ZFPM1: variants seen among roughly 807,000 people sequenced by gnomAD.
ZFPM1 encodes the protein zinc finger protein ZFPM1.
Under a neutral mutation model 46.3 loss-of-function variants are expected in ZFPM1, and 28 were observed. The ratio of observed to expected loss-of-function variants is 0.60; its 90% CI spans 0.45 to 0.83. The LOEUF is 0.83. ZFPM1 is among the 40% of genes least tolerant of loss of function. The pLI is 0.00. For missense variants in ZFPM1, 1,878 were observed against 1,432.4 expected (o/e 1.31, Z -5.02); for synonymous variants, 957 against 675.9 (o/e 1.42, Z -6.45).
At chr16:88,530,279 G>C (rs1021008589) in intron 6 of ZFPM1, among the ~76,000 whole-genome samples, 3 of 152,162 alleles carry the variant, frequency 2.0e-5, no homozygotes, top group Non-Finnish European at 4.4e-5. Flanking sequence ...AGCCTGCGGA[G>C]ACCACCTCCC....
chr16:88,510,942 T>C (rs990712903), intron 3 of ZFPM1, among the ~76,000 whole-genome samples: 1 of 152,120 alleles, frequency 6.6e-6, no homozygotes, highest in African/African-American at 2.4e-5. Flanking sequence ...AGGTACTCAG[T>C]TGGGTCCGTG....
chr16:88,527,357 C>T (rs1359670841), intron 5 of ZFPM1, among the ~76,000 whole-genome samples: 2 of 152,198 alleles, frequency 1.3e-5, no homozygotes, highest in African/African-American at 2.4e-5. Context: ...TCCAGGAAGT[C>T]GAGGGGCCTT....
At chr16:88,452,780 A>G (rs1567522307), upstream of ZFPM1, among the ~76,000 whole-genome samples, 1 of 151,446 alleles carries the variant, frequency 6.6e-6, no homozygotes, top group Non-Finnish European at 1.5e-5. Context: ...CTCAGGACCC[A>G]ACCAGGTCGG....
intron 1 of ZFPM1, among the ~76,000 whole-genome samples, chr16:88,482,069 A>G (rs1379626329): frequency 1.3e-5 from 2 of 152,224 alleles, no homozygotes; most frequent in Non-Finnish European, 2.9e-5. Context: ...AGCAGCTGTC[A>G]GCCTGCCTGG....
At chr16:88,506,206 G>A (rs1291886095) in intron 3 of ZFPM1, among the ~76,000 whole-genome samples, 1 of 151,702 alleles carries the variant, frequency 6.6e-6, no homozygotes, top group Admixed American at 6.6e-5. Flanking sequence ...GCAGGAGGTG[G>A]GGAGACCAGG....
chr16:88,456,267 A>G (rs1375363113), intron 1 of ZFPM1, among the ~76,000 whole-genome samples: 2 of 152,218 alleles, frequency 1.3e-5, no homozygotes, highest in Non-Finnish European at 2.9e-5. Flanking sequence ...GTCCTCGTAG[A>G]TGGTGCGAGA....
At chr16:88,468,930 A>T (rs1908287728) in intron 1 of ZFPM1, 1 of 153,906 alleles carries the variant, frequency 6.5e-6, no homozygotes, top group African/African-American at 2.4e-5. Flanking sequence ...CCCGCCTTTT[A>T]GGGGCCTCGC....
chr16:88,519,562 GGA>G (rs1911654801), intron 4 of ZFPM1, among the ~76,000 whole-genome samples: 1 of 149,586 alleles, frequency 6.7e-6, no homozygotes, highest in African/African-American at 2.5e-5. Context: ...ATGGATGGAT[GGA>G]TGGATGGATG....
chr16:88,476,579 G>T (rs542167122), intron 1 of ZFPM1, among the ~76,000 whole-genome samples: 133 of 152,220 alleles, frequency 8.7e-4, no homozygotes, highest in Non-Finnish European at 1.6e-3. Context: ...GCTGGGTAGG[G>T]GTTTGGCTTT....
chr16:88,459,863 A>G (rs1433679609), intron 1 of ZFPM1, among the ~76,000 whole-genome samples: 1 of 141,180 alleles, frequency 7.1e-6, no homozygotes, highest in East Asian at 2.1e-4. Context: ...CTTATCTGAG[A>G]TGGAGCAATC....
intron 1 of ZFPM1, among the ~76,000 whole-genome samples, chr16:88,457,553 C>T (rs1907612338): frequency 6.6e-6 from 1 of 152,240 alleles, no homozygotes; most frequent in African/African-American, 2.4e-5. Flanking sequence ...ACGGTGCCTG[C>T]AGCCTGCTTG....
At chr16:88,526,979 CT>C (rs1261965276) in intron 5 of ZFPM1, 63 bp downstream of exon 5, 3 of 1,509,748 alleles carry the variant, frequency 2.0e-6, no homozygotes, top group Non-Finnish European at 2.7e-6. Context: ...TTGGCTCCCC[CT>C]GGGCTGAGCC....
Position 88,535,159 on chromosome 16 carries a change from G to A in ZFPM1, c.*180G>A. ...GGCACTTAATAAAGAAGTTCAGTTTGATGAGCATGGTGGTGGGCCAGCCTA... is the reference window on the plus strand; with the variant it reads ...GGCACTTAATAAAGAAGTTCAGTTTAATGAGCATGGTGGTGGGCCAGCCTA... On this transcript the variant is annotated 3_prime_UTR_variant, in exon 10 of 10. Transcript: ENST00000319555. The A allele has an allele frequency of 1.4e-6, 1 of 704,820 alleles. No homozygotes were observed. The highest frequency in any genetic ancestry group is 2.0e-6 in the Non-Finnish European group (1 of 502,034). The allele number at this position is 704,820 out of a possible 1,614,324, so 43.7% of individuals were successfully genotyped here.
chr16:88,532,438 G>C (rs763636568), intron 7 of ZFPM1, among the ~76,000 whole-genome samples, 176 bp from the exon 8 acceptor site: 67 of 152,148 alleles, frequency 4.4e-4, no homozygotes, highest in Non-Finnish European at 2.2e-4. Flanking sequence ...CTGAGGGCTG[G>C]GCCCACTGCT....
intron 5 of ZFPM1, 32 bp downstream of exon 5, chr16:88,526,948 C>T (rs763065291): frequency 7.2e-6 from 11 of 1,538,338 alleles, no homozygotes; most frequent in Non-Finnish European, 7.9e-6. Context: ...CGTCCCAAGC[C>T]TTCCGGAAGG....
At position 88,534,666 on chromosome 16, in the gene ZFPM1, C is replaced by A. The variant is rs1913139583; in HGVS notation, c.2708C>A (p.Ala903Asp). 7 of 998,058 alleles carry A rather than the reference C, an allele frequency of 7.0e-6. No homozygotes were observed. Among genetic ancestry groups the A allele is most frequent in the Non-Finnish European group, 8.3e-6 (7 of 840,364 alleles). 61.8% of individuals were successfully genotyped at this position (998,058 alleles called of 1,614,324 possible). A position where few individuals can be genotyped will look rare whatever the true frequency, so the allele number is the denominator to read the frequency against. The change falls in exon 10 of 10, where the codon GCT becomes GAT. Residue 903 changes from alanine (A) to aspartate (D), a missense_variant. By Grantham distance (126) the Ala-to-Asp change is moderately radical. Transcript: ENST00000319555. Reference sequence around the variant, plus strand: ...CCGGCCGACCGCGGCCCCTCGCCCGCTCCCGCCCCCGCCGCCTCCCCGCAG... The same window carrying A: ...CCGGCCGACCGCGGCCCCTCGCCCGATCCCGCCCCCGCCGCCTCCCCGCAG... ...RTPADRGPSP[A>D]PAPAASPQPG...
At chr16:88,510,707 G>C (rs1243275217) in intron 3 of ZFPM1, among the ~76,000 whole-genome samples, 1 of 152,164 alleles carries the variant, frequency 6.6e-6, no homozygotes, top group Non-Finnish European at 1.5e-5. Context: ...TGAGGTCAGA[G>C]CAGGAAGAGT....
chr16:88,526,670 C>T, intron 4 of ZFPM1, 144 bp from the exon 5 acceptor site: 2 of 878,712 alleles, frequency 2.3e-6, no homozygotes, highest in South Asian at 1.7e-5. Flanking sequence ...TCTGCCAGCT[C>T]TTGGGCCAAT....
chr16:88,516,391 C>A, intron 4 of ZFPM1: 1 of 397,756 alleles, frequency 2.5e-6, no homozygotes, highest in Non-Finnish European at 4.4e-6. Context: ...GGGTTAGAAA[C>A]GCTCCCAAGT....
Sources: gnomAD v4.1 joint callset for allele counts (sites outside exome capture counted in the v4.1 genomes callset) on GRCh38, gnomAD v4.1.1 for gene constraint, MANE v1.5 for transcripts, NCBI Gene and HGNC (gene_info 2026-07-23, HGNC 2026-07-21) for gene names.